The following VPS13B variants were observed in gnomAD, a reference collection of about 807,000 sequenced individuals.
VPS13B encodes the protein intermembrane lipid transfer protein VPS13B.
In VPS13B, 285 loss-of-function variants were observed where a neutral mutation model predicts 426.4. The ratio of observed to expected loss-of-function variants is 0.67; its 90% CI spans 0.61 to 0.74. VPS13B has a LOEUF of 0.74. Ranked by LOEUF, VPS13B falls within the 30% of genes least tolerant of loss-of-function variation. The pLI, the probability that VPS13B is intolerant of heterozygous loss-of-function variation, is 0.00. For missense variants in VPS13B, 4,537 were observed against 4,782.6 expected, an observed-to-expected ratio of 0.95 and a Z score of 1.51; for synonymous variants, 1,676 against 1,676.4, an observed-to-expected ratio of 1.00 and a Z score of 0.01.
intron 21 of VPS13B, among the ~76,000 whole-genome samples, chr8:99,396,008 A>T (rs1294213614): frequency 6.6e-6 from 1 of 152,150 alleles, no homozygotes; most frequent in Non-Finnish European, 1.5e-5. Flanking sequence ...AAAAGAAATT[A>T]ATTAACTTGA....
At chr8:99,566,994 C>G (rs911094645) in intron 31 of VPS13B, among the ~76,000 whole-genome samples, 1 of 152,100 alleles carries the variant, frequency 6.6e-6, no homozygotes, top group Non-Finnish European at 1.5e-5. Flanking sequence ...CTCCTGGGCT[C>G]TAACGATCCT....
At chr8:99,267,105 A>G (rs190905028) in intron 17 of VPS13B, among the ~76,000 whole-genome samples, 235 of 152,326 alleles carry the variant, frequency 1.5e-3, no homozygotes, top group African/African-American at 5.2e-3. Flanking sequence ...GGCTCACAGG[A>G]CAGGAAGATC....
intron 6 of VPS13B, 141 bp from the exon 7 acceptor site, chr8:99,115,559 T>G (rs1223561393): frequency 2.4e-6 from 2 of 830,444 alleles, no homozygotes; most frequent in Non-Finnish European, 3.7e-6. Context: ...TTAGAGTAAG[T>G]ATTGTTTTGA....
intron 19 of VPS13B, among the ~76,000 whole-genome samples, chr8:99,325,457 G>A (rs2133139058): frequency 6.6e-6 from 1 of 152,260 alleles, no homozygotes; most frequent in Middle Eastern, 3.4e-3. Flanking sequence ...GTCTAACTTA[G>A]TGAAACAAAC....
In VPS13B at chr8:99,753,839, G is replaced by A. The variant is rs144969401; in HGVS notation, c.7051-12935G>A. ...CTTGTTTGTACTTAGAGGGTTTTCC[G>A]GACAGGAAGGCAGTCTTGATGCAAT... On this transcript the variant is annotated intron_variant, in intron 39 of 61. Coordinates refer to ENST00000357162, the MANE Select transcript of VPS13B (RefSeq NM_152564.5). Among the ~76,000 whole-genome samples, 712 of 152,228 alleles carry A rather than the reference G, an allele frequency of 4.7e-3. 3 individuals carry two copies. Among genetic ancestry groups the A allele is most frequent in the African/African-American group, 0.015 (641 of 41,530 alleles).
chr8:99,361,811 G>T, intron 19 of VPS13B, among the ~76,000 whole-genome samples: 1 of 152,170 alleles, frequency 6.6e-6, no homozygotes, highest in East Asian at 1.9e-4. Context: ...CTAAGATAAT[G>T]ATGATTATGA....
At chr8:99,352,049 AAT>A (rs1210000177) in intron 19 of VPS13B, among the ~76,000 whole-genome samples, 1 of 152,234 alleles carries the variant, frequency 6.6e-6, no homozygotes, top group Non-Finnish European at 1.5e-5. Flanking sequence ...CCTCCTTTAG[AAT>A]AAAGCTGTAA....
chr8:99,560,326 C>A (rs1256421747), intron 31 of VPS13B, among the ~76,000 whole-genome samples: 1 of 152,124 alleles, frequency 6.6e-6, no homozygotes, highest in Non-Finnish European at 1.5e-5. Context: ...ATGGGATTTT[C>A]TAAATATAAA....
Position 99,086,598 on chromosome 8 carries a change from C to G in VPS13B, c.292-9714C>G, listed in dbSNP as rs185696026. ...TCCCCATCTTTGTGGTTTTATCTAC[C>G]TTTGGTCTTTGATGATGGTGATGTA... is the stretch of plus-strand genomic sequence containing the variant. On this transcript the variant is annotated intron_variant, in intron 3 of 61. Coordinates refer to ENST00000357162, the MANE Select transcript of VPS13B (RefSeq NM_152564.5). Among the ~76,000 whole-genome samples the G allele has an allele frequency of 3.0e-4, 46 of 152,088 alleles. 1 individual carries two copies. Among genetic ancestry groups the G allele is most frequent in the Admixed American group, 2.7e-3 (41 of 15,272 alleles).
intron 17 of VPS13B, among the ~76,000 whole-genome samples, chr8:99,263,583 T>G (rs898681356): frequency 1.5e-4 from 23 of 152,106 alleles, no homozygotes; most frequent in African/African-American, 5.3e-4. Flanking sequence ...GTGACCCCCT[T>G]CCCCCATCTC....
At chr8:99,525,498 T>A (rs1264926733) in intron 30 of VPS13B, among the ~76,000 whole-genome samples, 1 of 152,206 alleles carries the variant, frequency 6.6e-6, no homozygotes, top group African/African-American at 2.4e-5. Context: ...ATTAAATCAG[T>A]GGATGTTACA....
At chr8:99,430,242 T>C (rs868705305) in intron 21 of VPS13B, among the ~76,000 whole-genome samples, 6 of 152,180 alleles carry the variant, frequency 3.9e-5, no homozygotes, top group African/African-American at 1.4e-4. Context: ...GCTCATATAT[T>C]AACCAAGTTA....
At chr8:99,418,068 T>C (rs1816133124) in intron 21 of VPS13B, among the ~76,000 whole-genome samples, 1 of 152,144 alleles carries the variant, frequency 6.6e-6, no homozygotes, top group African/African-American at 2.4e-5. Context: ...AGTTTTTTGA[T>C]TTTTTGTTTC....
intron 51 of VPS13B, 59 bp downstream of exon 51, chr8:99,824,037 T>A (rs1037968567): frequency 1.3e-6 from 2 of 1,575,680 alleles, no homozygotes; most frequent in African/African-American, 2.7e-5. Context: ...ATAAATAGGA[T>A]CAACTTCTCT....
chr8:99,123,384 GATATCATGAATGA>G (rs147455852), intron 8 of VPS13B, among the ~76,000 whole-genome samples: 2,528 of 152,228 alleles, frequency 0.017, 65 homozygotes, highest in African/African-American at 0.058. Flanking sequence ...AGTGTCATGA[GATATCATGAATGA>G]ATGTGGTATG....
intron 12 of VPS13B, among the ~76,000 whole-genome samples, chr8:99,138,049 C>T (rs1408084537): frequency 6.6e-6 from 1 of 152,172 alleles, no homozygotes; most frequent in East Asian, 1.9e-4. Flanking sequence ...TCCTAGCCAT[C>T]TGGTCCACAG....
At chr8:99,571,370 G>A (rs1341988219) in intron 31 of VPS13B, among the ~76,000 whole-genome samples, 5 of 151,974 alleles carry the variant, frequency 3.3e-5, no homozygotes, top group Non-Finnish European at 7.4e-5. Context: ...GATTTTCAAT[G>A]ATTTTTAAAA....
At chr8:99,411,946 C>G (rs1421678786) in intron 21 of VPS13B, among the ~76,000 whole-genome samples, 2 of 152,166 alleles carry the variant, frequency 1.3e-5, no homozygotes, top group African/African-American at 2.4e-5. Context: ...TGTTTGGTTA[C>G]TGTAGCCTTG....
Position 99,875,711 on chromosome 8 carries a change from G to T in VPS13B, c.*45G>T. The T allele has an allele frequency of 6.2e-7, 1 of 1,613,336 alleles. No individual in the cohort carries two copies. Among genetic ancestry groups the T allele is most frequent in the Non-Finnish European group, 8.5e-7 (1 of 1,179,798 alleles). On this transcript the variant is annotated 3_prime_UTR_variant, in exon 62 of 62. Transcript: ENST00000357162. ...TTCCTGCTTGTGTGATTTAGTTTTT[G>T]GGTTTCTTTGAGACAGGGTCTCACT...
Sources: gnomAD v4.1 joint callset for allele counts (sites outside exome capture counted in the v4.1 genomes callset) on GRCh38, gnomAD v4.1.1 for gene constraint, MANE v1.5 for transcripts, NCBI Gene and HGNC (gene_info 2026-07-23, HGNC 2026-07-21) for gene names.